CCDC171: variants seen among roughly 807,000 people sequenced by gnomAD.
CCDC171 encodes coiled-coil domain containing 171, also known as coiled-coil domain-containing protein 171.
CCDC171 carries 177 observed loss-of-function variants against 168.2 expected under a neutral mutation model. The observed-to-expected ratio is 1.05, with a 90% CI of 0.93 to 1.19. The LOEUF (loss-of-function observed/expected upper bound fraction) is 1.19. Among genes scored for constraint, CCDC171 ranks in the 50% most tolerant of loss-of-function variants. The pLI, the probability that CCDC171 is intolerant of heterozygous loss-of-function variation, is 0.00. For missense variants in CCDC171, 1,991 were observed against 1,539.0 expected (o/e 1.29, Z -4.91); for synonymous variants, 687 against 540.8 (o/e 1.27, Z -3.75).
At position 15,738,426 on chromosome 9, in the gene CCDC171, A is replaced by G. The variant is rs966868768; in HGVS notation, c.2050-5847A>G. On this transcript the variant is annotated intron_variant, in intron 16 of 25. Transcript: ENST00000380701. ...ATTTTGTGTAAAAGGTATGCATTCT[A>G]TATTTTTAGGTTTTTTTCTTCATGA... 3.3e-5 allele frequency among the ~76,000 whole-genome samples: 5 copies of G among 152,154 alleles called. No homozygotes were observed. In the East Asian group the frequency reaches 5.8e-4, roughly 18 times the overall value.
chr9:15,891,572 T>C (rs1426010096), intron 24 of CCDC171, among the ~76,000 whole-genome samples: 1 of 152,188 alleles, frequency 6.6e-6, no homozygotes, highest in South Asian at 2.1e-4. Context: ...ATAATTGAGA[T>C]AGAAAGTGCC....
intron 21 of CCDC171, among the ~76,000 whole-genome samples, chr9:15,791,183 T>C (rs934974100): frequency 6.6e-6 from 1 of 152,224 alleles, no homozygotes; most frequent in African/African-American, 2.4e-5. Context: ...TAAATTACCT[T>C]GGGCGGTATG....
intron 25 of CCDC171, among the ~76,000 whole-genome samples, chr9:15,968,997 A>G (rs2987012): frequency 0.53 from 79,909 of 152,022 alleles, 22,234 homozygotes; most frequent in African/African-American, 0.72. Context: ...TCTAGAGACT[A>G]TACTTTTGGG....
At chr9:15,904,708 T>C (rs1488700179) in intron 24 of CCDC171, among the ~76,000 whole-genome samples, 1 of 152,060 alleles carries the variant, frequency 6.6e-6, no homozygotes, top group African/African-American at 2.4e-5. Context: ...AATGCTCCAA[T>C]TAAAAGACAC....
At chr9:15,569,849 A>AAAC (rs371701324) in intron 2 of CCDC171, among the ~76,000 whole-genome samples, 8 of 141,966 alleles carry the variant, frequency 5.6e-5, no homozygotes, top group East Asian at 2.0e-4. Context: ...AAACAAACAA[A>AAAC]AAAAAAATTT....
At chr9:15,997,160 T>G (rs901692401) in intron 3 of CCDC171, among the ~76,000 whole-genome samples, 2 of 152,186 alleles carry the variant, frequency 1.3e-5, no homozygotes, top group African/African-American at 4.8e-5. Context: ...ACAAAAGTCT[T>G]CCTTCCTGTC....
chr9:15,744,833 G>T, intron 17 of CCDC171, 56 bp downstream of exon 17: 2 of 1,501,330 alleles, frequency 1.3e-6, no homozygotes, highest in South Asian at 1.3e-5. Context: ...AATACAGTGT[G>T]ACTATACCTG....
chr9:15,788,943 T>C (rs968488061), intron 21 of CCDC171, among the ~76,000 whole-genome samples: 5 of 151,906 alleles, frequency 3.3e-5, no homozygotes, highest in Non-Finnish European at 7.4e-5. Flanking sequence ...AGCTAAATCT[T>C]GGATTAGACA....
intron 21 of CCDC171, among the ~76,000 whole-genome samples, chr9:15,822,248 A>T (rs1448340684): frequency 2.0e-5 from 3 of 152,166 alleles, no homozygotes; most frequent in African/African-American, 2.4e-5. Flanking sequence ...AAACCTAGGC[A>T]ATACCATTCA....
intron 10 of CCDC171, among the ~76,000 whole-genome samples, chr9:15,683,576 T>G (rs2050183130): frequency 6.6e-6 from 1 of 152,098 alleles, no homozygotes; most frequent in Non-Finnish European, 1.5e-5. Context: ...TAGTGGCCCT[T>G]AAATTTTAGT....
the CCDC171 span, among the ~76,000 whole-genome samples, chr9:16,108,560 A>G: frequency 6.6e-6 from 1 of 152,190 alleles, no homozygotes; most frequent in East Asian, 1.9e-4. Flanking sequence ...TTCTGAAGTG[A>G]GCAGACTTAG....
intron 2 of CCDC171, among the ~76,000 whole-genome samples, chr9:15,570,959 G>T (rs963531946): frequency 5.3e-5 from 8 of 152,150 alleles, no homozygotes; most frequent in African/African-American, 1.9e-4. Flanking sequence ...TGGTATAGGG[G>T]ATGGGGATCT....
At chr9:15,657,878 G>C (rs1017933659) in intron 8 of CCDC171, among the ~76,000 whole-genome samples, 1 of 152,184 alleles carries the variant, frequency 6.6e-6, no homozygotes, top group Non-Finnish European at 1.5e-5. Context: ...GAATTTCTAA[G>C]AGAAGTGAGA....
intron 22 of CCDC171, among the ~76,000 whole-genome samples, chr9:15,848,081 G>A (rs562179037): frequency 2.0e-5 from 3 of 151,946 alleles, no homozygotes; most frequent in Admixed American, 1.3e-4. Context: ...ATAGCACTGA[G>A]AAAATTCTGA....
intron 7 of CCDC171, among the ~76,000 whole-genome samples, chr9:15,643,238 A>G (rs889746830): frequency 4.6e-5 from 7 of 152,086 alleles, no homozygotes; most frequent in African/African-American, 1.4e-4. Context: ...TTTGACTTAC[A>G]GAAACTAAAA....
At chr9:16,056,461 G>A (rs148400855) in intron 1 of CCDC171, among the ~76,000 whole-genome samples, 1 of 152,116 alleles carries the variant, frequency 6.6e-6, no homozygotes, top group Non-Finnish European at 1.5e-5. Flanking sequence ...TACTATATTT[G>A]ACAGAGAAGT....
downstream of CCDC171, among the ~76,000 whole-genome samples, chr9:15,974,813 A>T (rs1419706732): frequency 6.6e-6 from 1 of 152,226 alleles, no homozygotes; most frequent in Non-Finnish European, 1.5e-5. Context: ...TATTTATGAC[A>T]TATGCTATTA....
intron 1 of CCDC171, among the ~76,000 whole-genome samples, chr9:16,054,528 C>T (rs759005696): frequency 5.9e-5 from 9 of 152,166 alleles, no homozygotes; most frequent in Admixed American, 3.3e-4. Context: ...CTCTCCCCTG[C>T]CTTCCCCACT....
At chr9:15,628,199 C>T (rs991043872) in intron 7 of CCDC171, among the ~76,000 whole-genome samples, 15 of 152,034 alleles carry the variant, frequency 9.9e-5, no homozygotes, top group African/African-American at 2.7e-4. Context: ...TGCAGCACAC[C>T]GTGCACCAGC....
Sources: allele counts gnomAD v4.1 joint callset (sites outside exome capture counted in the v4.1 genomes callset), GRCh38; gene constraint gnomAD v4.1.1; transcripts MANE v1.5; gene names NCBI Gene and HGNC (gene_info 2026-07-23, HGNC 2026-07-21).